The following COL8A1 variants were observed in gnomAD, a reference collection of about 807,000 sequenced individuals.
COL8A1 encodes collagen type VIII alpha 1 chain.
A neutral mutation model predicts 42.7 loss-of-function variants in COL8A1; 21 were observed. That is an observed-to-expected ratio of 0.49 (90% CI 0.35 to 0.71). The LOEUF (loss-of-function observed/expected upper bound fraction) is 0.71. Among genes scored for constraint, COL8A1 ranks in the 30% least tolerant of loss-of-function variants. The pLI is 0.01. For missense variants in COL8A1, 788 were observed against 962.4 expected (o/e 0.82, Z 2.40); for synonymous variants, 367 against 369.1 (o/e 0.99, Z 0.06).
chr3:99,674,069 T>C (rs1938620302), intron 1 of COL8A1, among the ~76,000 whole-genome samples: 1 of 152,076 alleles, frequency 6.6e-6, no homozygotes, highest in African/African-American at 2.4e-5. Flanking sequence ...TCAAGGCATG[T>C]GGAAAGAAAC....
intron 1 of COL8A1, among the ~76,000 whole-genome samples, chr3:99,671,706 G>T (rs575544139): frequency 6.6e-6 from 1 of 152,064 alleles, no homozygotes; most frequent in African/African-American, 2.4e-5. Context: ...TGGAACCATT[G>T]TACATTGTTG....
intron 2 of COL8A1, among the ~76,000 whole-genome samples, chr3:99,777,600 G>A (rs908480861): frequency 4.6e-5 from 7 of 152,134 alleles, no homozygotes; most frequent in Non-Finnish European, 1.0e-4. Flanking sequence ...TCTTTATAGT[G>A]TAAATATCTT....
chr3:99,668,211 T>A (rs1166755249), intron 1 of COL8A1, among the ~76,000 whole-genome samples: 1 of 152,168 alleles, frequency 6.6e-6, no homozygotes. Context: ...AAATGTTTCC[T>A]GTCAGTGTGG....
intron 1 of COL8A1, among the ~76,000 whole-genome samples, chr3:99,668,512 A>T (rs147254365): frequency 1.6e-3 from 241 of 152,286 alleles, no homozygotes; most frequent in African/African-American, 5.6e-3. Flanking sequence ...TCGAAGATCA[A>T]GTCATCTTCT....
intron 1 of COL8A1, among the ~76,000 whole-genome samples, chr3:99,641,426 T>A (rs1293301460): frequency 6.6e-6 from 1 of 152,172 alleles, no homozygotes; most frequent in South Asian, 2.1e-4. Context: ...TTGGTTCTAA[T>A]GATGAAAATG....
intron 1 of COL8A1, among the ~76,000 whole-genome samples, chr3:99,698,208 G>A (rs1939435913): frequency 6.6e-6 from 1 of 152,154 alleles, no homozygotes; most frequent in East Asian, 1.9e-4. Flanking sequence ...TCTTAATCCG[G>A]TCTATCATTG....
intron 1 of COL8A1, among the ~76,000 whole-genome samples, chr3:99,648,134 CA>C (rs1937711112): frequency 6.6e-6 from 1 of 152,158 alleles, no homozygotes. Context: ...GTCAACCCTA[CA>C]AGAAGGGTGT....
rs1259606399 is a variant in COL8A1, at chr3:99,797,616, T to G, written c.*1480T>G. The G allele has an allele frequency of 6.6e-6, 1 of 150,726 alleles. No individual in the cohort carries two copies. The highest frequency in any genetic ancestry group is 1.5e-5 in the Non-Finnish European group (1 of 67,792). 9.3% of individuals were successfully genotyped at this position (150,726 alleles called of 1,614,324 possible). A position where few individuals can be genotyped will look rare whatever the true frequency, so the allele number is the denominator to read the frequency against. ...CAAGCCATAATTGGTGAGGGGGGAG[T>G]TTCAGAATTACATAGAAAAATTAAT... On this transcript the variant is annotated 3_prime_UTR_variant, in exon 4 of 4. Coordinates refer to ENST00000652472, the MANE Select transcript of COL8A1 (RefSeq NM_020351.4).
intron 1 of COL8A1, among the ~76,000 whole-genome samples, chr3:99,670,250 T>C (rs961724847): frequency 1.3e-5 from 2 of 152,080 alleles, no homozygotes; most frequent in East Asian, 3.9e-4. Flanking sequence ...AAAAATGAAT[T>C]TAGTAGTAAC....
chr3:99,675,998 T>A (rs1207866740), intron 1 of COL8A1, among the ~76,000 whole-genome samples: 2 of 152,116 alleles, frequency 1.3e-5, no homozygotes, highest in East Asian at 3.9e-4. Flanking sequence ...GTGTTATCAT[T>A]GCATACAGGA....
rs1411995672 is a variant in COL8A1, at chr3:99,794,714, G to A, written c.813G>A (p.Val271=). The A allele has an allele frequency of 3.1e-6, 5 of 1,611,110 alleles. No individual in the cohort carries two copies. The highest frequency in any genetic ancestry group is 4.2e-6 in the Non-Finnish European group (5 of 1,178,888). Residue 271 remains valine (V), a synonymous_variant, in exon 4 of 4, where the codon GTG becomes GTA. Coordinates refer to ENST00000652472, the MANE Select transcript of COL8A1 (RefSeq NM_020351.4). The surrounding 1 kb of genome is among the most constrained non-coding windows in gnomAD (Gnocchi z 4.3). ...GPPGPVGLPG[V]GKPGVTGFPG... ...CCGGCCCTGTTGGACTGCCAGGAGTGGGCAAACCAGGAGTGACAGGCTTCC... is the reference window on the plus strand; with the variant it reads ...CCGGCCCTGTTGGACTGCCAGGAGTAGGCAAACCAGGAGTGACAGGCTTCC...
chr3:99,774,524 C>T (rs767930505), intron 2 of COL8A1, among the ~76,000 whole-genome samples: 1 of 152,084 alleles, frequency 6.6e-6, no homozygotes, highest in Non-Finnish European at 1.5e-5. Context: ...GCAGAAGAAG[C>T]CTAATCACAT....
chr3:99,778,313 C>T (rs1352925655), intron 2 of COL8A1, among the ~76,000 whole-genome samples: 1 of 152,134 alleles, frequency 6.6e-6, no homozygotes, highest in African/African-American at 2.4e-5. Flanking sequence ...ACTGGGGTCA[C>T]TTAGTCCAAC....
intron 1 of COL8A1, among the ~76,000 whole-genome samples, chr3:99,711,237 G>T (rs1481003476): frequency 6.6e-6 from 1 of 152,068 alleles, no homozygotes. Context: ...GAAAGCCTCA[G>T]ACTTGAAGAA....
intron 1 of COL8A1, chr3:99,678,423 GACAA>G (rs1170524573): frequency 1.3e-5 from 2 of 152,146 alleles, no homozygotes; most frequent in African/African-American, 2.4e-5. Flanking sequence ...TAGAAGGAAA[GACAA>G]TGGTGAATAC....
At chr3:99,644,906 A>T (rs1464806175) in intron 1 of COL8A1, among the ~76,000 whole-genome samples, 1 of 152,200 alleles carries the variant, frequency 6.6e-6, no homozygotes, top group Non-Finnish European at 1.5e-5. Context: ...TAGATAAAAC[A>T]GCTGCTTTTT....
intron 2 of COL8A1, among the ~76,000 whole-genome samples, chr3:99,773,837 AT>A (rs1172723632): frequency 4.2e-3 from 192 of 45,340 alleles, no homozygotes; most frequent in African/African-American, 8.2e-3. Context: ...ATATATATAT[AT>A]TTTTTTTTTT....
chr3:99,672,837 G>C (rs1216792984), intron 1 of COL8A1, among the ~76,000 whole-genome samples: 1 of 151,928 alleles, frequency 6.6e-6, no homozygotes, highest in Non-Finnish European at 1.5e-5. Context: ...ATTCCTTTTG[G>C]AGTAGTTCTC....
chr3:99,671,305 T>C (rs1216151005), intron 1 of COL8A1, among the ~76,000 whole-genome samples: 1 of 152,012 alleles, frequency 6.6e-6, no homozygotes, highest in Non-Finnish European at 1.5e-5. Context: ...GATGAGAGGA[T>C]GTTCTAAGGT....
Sources: gnomAD v4.1 joint callset for allele counts (sites outside exome capture counted in the v4.1 genomes callset) on GRCh38, gnomAD v4.1.1 for gene constraint, Gnocchi (gnomAD v3.1) non-coding constraint, MANE v1.5 for transcripts, NCBI Gene and HGNC (gene_info 2026-07-23, HGNC 2026-07-21) for gene names.